SCAPER: variants seen among roughly 807,000 people sequenced by gnomAD.
SCAPER encodes S phase cyclin A-associated protein in the endoplasmic reticulum.
In SCAPER, 98 loss-of-function variants were observed where a neutral mutation model predicts 182.2. That is an observed-to-expected ratio of 0.54 (90% confidence interval 0.46 to 0.64). The LOEUF (loss-of-function observed/expected upper bound fraction) is 0.64, where lower values mean the gene tolerates loss of function less well. SCAPER is among the 30% of genes least tolerant of loss of function. The pLI is 0.00. For missense variants in SCAPER, 1,432 were observed against 1,690.0 expected (o/e 0.85, Z 2.68); for synonymous variants, 605 against 564.6 (o/e 1.07, Z -1.01).
intron 29 of SCAPER, among the ~76,000 whole-genome samples, chr15:76,372,877 C>T (rs750779398): frequency 1.1e-4 from 16 of 152,068 alleles, no homozygotes; most frequent in Non-Finnish European, 1.6e-4. Context: ...AGCATTTGTA[C>T]AGCATGACCT....
At chr15:76,896,727 C>A (rs1425681037) in intron 1 of SCAPER, among the ~76,000 whole-genome samples, 1 of 152,084 alleles carries the variant, frequency 6.6e-6, no homozygotes, top group African/African-American at 2.4e-5. Context: ...GAGTTTGAGA[C>A]CAGCCTGGGC....
intron 23 of SCAPER, among the ~76,000 whole-genome samples, chr15:76,506,676 C>T (rs919832874): frequency 2.0e-5 from 3 of 152,082 alleles, no homozygotes; most frequent in African/African-American, 7.2e-5. Context: ...ACTTAAAAAT[C>T]ACATCTTTAT....
intron 27 of SCAPER, among the ~76,000 whole-genome samples, chr15:76,392,591 A>C (rs2043780233): frequency 6.6e-6 from 1 of 151,600 alleles, no homozygotes; most frequent in East Asian, 1.9e-4. Flanking sequence ...ACACAAAGCA[A>C]AATCAGAGAA....
At chr15:76,383,609 GT>G (rs1279222240) in intron 27 of SCAPER, among the ~76,000 whole-genome samples, 1 of 152,202 alleles carries the variant, frequency 6.6e-6, no homozygotes, top group African/African-American at 2.4e-5. Flanking sequence ...GGTTTTCATA[GT>G]TGGTAGAGAA....
In SCAPER at chr15:76,665,731, G is replaced by T; in HGVS notation, c.2567C>A (p.Ala856Glu). 6.4e-7 allele frequency: 1 copy of T among 1,557,674 alleles called. No individual in the cohort carries two copies. Among genetic ancestry groups the T allele is most frequent in the Non-Finnish European group, 8.7e-7 (1 of 1,150,826 alleles). Residue 856 changes from alanine (A) to glutamate (E), a missense_variant, in exon 21 of 32, where the codon GCA (alanine) becomes GAA (glutamate). By Grantham distance (107) the Ala-to-Glu change is moderately radical. This residue lies in a region of SCAPER where 718 missense variants were observed against 799.7 expected (regional missense o/e 0.90). Coordinates refer to ENST00000563290, the MANE Select transcript of SCAPER (RefSeq NM_020843.4). ...CTCTTCTCCATCTTTCAAAGCTTCT[G>T]CTGGAGCTGTACTTTCAACCACAAT... ...IDIVVESTAP[A>E]EALKDGEERQ...
intron 23 of SCAPER, chr15:76,567,230 T>C: frequency 2.6e-6 from 1 of 381,074 alleles, no homozygotes; most frequent in South Asian, 2.1e-5. Context: ...TGTAGTTCAT[T>C]CATTTTTATG....
chr15:76,610,290 C>T lies in SCAPER; in HGVS notation c.2711+11474G>A, dbSNP rs528159299. Among the ~76,000 whole-genome samples, 3 of 152,180 alleles carry T rather than the reference C, an allele frequency of 2.0e-5. No individual in the cohort carries two copies. In the East Asian group the frequency reaches 5.8e-4, roughly 29 times the overall value. Reference sequence around the variant, plus strand: ...CCAGCCAGCTACCACCATGCATGTCCCTCAAGAAACCAAGCATGACTATCA... The same window carrying T: ...CCAGCCAGCTACCACCATGCATGTCTCTCAAGAAACCAAGCATGACTATCA... On this transcript the variant is annotated intron_variant, in intron 22 of 31. Coordinates refer to ENST00000563290, the MANE Select transcript of SCAPER (RefSeq NM_020843.4).
At chr15:76,465,825 A>C (rs2049565396) in intron 25 of SCAPER, among the ~76,000 whole-genome samples, 1 of 152,016 alleles carries the variant, frequency 6.6e-6, no homozygotes, top group Non-Finnish European at 1.5e-5. Flanking sequence ...ATTGAAGACT[A>C]CCTTTTTTCT....
chr15:76,715,368 C>T (rs868559340), intron 17 of SCAPER, among the ~76,000 whole-genome samples: 2 of 151,986 alleles, frequency 1.3e-5, no homozygotes, highest in African/African-American at 2.4e-5. Flanking sequence ...TGGCAACTTG[C>T]CTTCCAGGGA....
In SCAPER at chr15:76,733,163, T is replaced by C. The variant is rs1445170842; in HGVS notation, c.2022+66A>G. 5.5e-6 allele frequency: 8 copies of C among 1,454,910 alleles called. No individual in the cohort carries two copies. In the Admixed American group the frequency reaches 1.4e-4, roughly 25 times the overall value. 90.1% of individuals were successfully genotyped at this position (1,454,910 alleles called of 1,614,324 possible). A position where few individuals can be genotyped will look rare whatever the true frequency, so the allele number is the denominator to read the frequency against. On this transcript the variant is annotated intron_variant, in intron 16 of 31. Transcript: ENST00000563290. ...CATGGGGAGAAAAACCCACCGACCC[T>C]GCGGGGCTGGACCCTACAAATATGA...
chr15:76,841,950 A>G lies in SCAPER; in HGVS notation c.196-19T>C. 2 of 1,586,962 alleles carry G rather than the reference A, an allele frequency of 1.3e-6. No homozygotes were observed. Among genetic ancestry groups the G allele is most frequent in the Non-Finnish European group, 1.7e-6 (2 of 1,168,878 alleles). On this transcript the variant is annotated intron_variant, in intron 4 of 31. Transcript: ENST00000563290. Reference sequence around the variant, plus strand: ...CAGTACTCTGGTGAAGTAAAATAAAACATGAAAATAAATAAATAAAAGGGC... The same window carrying G: ...CAGTACTCTGGTGAAGTAAAATAAAGCATGAAAATAAATAAATAAAAGGGC...
At chr15:76,776,251 C>A (rs1422779154) in intron 8 of SCAPER, among the ~76,000 whole-genome samples, 1 of 152,048 alleles carries the variant, frequency 6.6e-6, no homozygotes, top group Non-Finnish European at 1.5e-5. Flanking sequence ...CAAGACAAAG[C>A]ACAGAAAAAA....
rs759288244 is a variant in SCAPER, at chr15:76,354,119, G to T, written c.3877C>A (p.His1293Asn). 2 of 1,608,296 alleles carry T rather than the reference G, an allele frequency of 1.2e-6. No homozygotes were observed. Among genetic ancestry groups the T allele is most frequent in the Non-Finnish European group, 8.5e-7 (1 of 1,178,034 alleles). Residue 1293 changes from histidine (H) to asparagine (N), a missense_variant, in exon 30 of 32, where the codon CAC becomes AAC. His to Asn is a moderately conservative substitution (Grantham distance 68). Coordinates refer to ENST00000563290, the MANE Select transcript of SCAPER (RefSeq NM_020843.4). The surrounding 1 kb of genome is among the most constrained non-coding windows in gnomAD (Gnocchi z 4.4). Reference protein sequence around the residue: ...DNQVIVQSGRHPTVLQKLCQL... With the variant: ...DNQVIVQSGRNPTVLQKLCQL... ...CAGAGCTTCTGCAGCACTGTGGGGTGGCGGCCGGACTGCACGATCACCTGA... is the reference window on the plus strand; with the variant it reads ...CAGAGCTTCTGCAGCACTGTGGGGTTGCGGCCGGACTGCACGATCACCTGA...
rs891789899 is a variant in SCAPER at position 76,716,241 on chromosome 15, T to C, written c.2166-10257A>G. ...AAGAAGCTGCATGATAACTACACCA[T>C]TGCACCCACACAGAAGCAGAGCCAC... is the stretch of plus-strand genomic sequence containing the variant. On this transcript the variant is annotated intron_variant, in intron 17 of 31. Coordinates refer to ENST00000563290, the MANE Select transcript of SCAPER (RefSeq NM_020843.4). 1.7e-4 allele frequency among the ~76,000 whole-genome samples: 26 copies of C among 152,148 alleles called. 1 individual carries two copies. The highest frequency in any genetic ancestry group is 4.3e-4 in the African/African-American group (18 of 41,506).
chr15:76,383,041 AAC>A (rs2043056010), intron 27 of SCAPER, among the ~76,000 whole-genome samples: 1 of 151,854 alleles, frequency 6.6e-6, no homozygotes, highest in Non-Finnish European at 1.5e-5. Flanking sequence ...CCTACTTTTT[AAC>A]ACTACGAGTT....
Position 76,862,406 on chromosome 15 carries a change from A to T in SCAPER, c.124+10T>A. The stretch of plus-strand genomic sequence containing the variant: ...ACAACAAAAATGAAACTAATTTTTT[A>T]AATACATACCATCATCATCTTTGCT... On this transcript the variant is annotated intron_variant, in intron 3 of 31. Transcript: ENST00000563290. The T allele has an allele frequency of 6.4e-7, 1 of 1,552,664 alleles. No individual in the cohort carries two copies. The highest frequency in any genetic ancestry group is 8.9e-7 in the Non-Finnish European group (1 of 1,128,272).
chr15:76,464,531 G>C (rs1053485786), intron 25 of SCAPER, among the ~76,000 whole-genome samples: 3 of 151,940 alleles, frequency 2.0e-5, no homozygotes, highest in African/African-American at 7.3e-5. Context: ...CATGGAGACT[G>C]CATTTTTGAT....
At chr15:76,570,732 T>C (rs1316606195) in intron 23 of SCAPER, among the ~76,000 whole-genome samples, 1 of 152,128 alleles carries the variant, frequency 6.6e-6, no homozygotes, top group Non-Finnish European at 1.5e-5. Context: ...CCTTGTAAAA[T>C]TGTTTAACAG....
At chr15:76,456,098 T>G (rs1207022715) in intron 25 of SCAPER, among the ~76,000 whole-genome samples, 2 of 152,202 alleles carry the variant, frequency 1.3e-5, no homozygotes, top group Non-Finnish European at 2.9e-5. Flanking sequence ...GTTCCAAGTC[T>G]TTGCTATTGT....
Sources: allele counts gnomAD v4.1 joint callset (sites outside exome capture counted in the v4.1 genomes callset), GRCh38; gene constraint gnomAD v4.1.1; regional missense constraint gnomAD v4.1.1; non-coding constraint Gnocchi (gnomAD v3.1); transcripts MANE v1.5; gene names NCBI Gene and HGNC (gene_info 2026-07-23, HGNC 2026-07-21).